The following SLC24A2 variants were observed in gnomAD, a reference collection of about 807,000 sequenced individuals.
SLC24A2 encodes the protein solute carrier family 24 member 2.
SLC24A2 carries 36 observed loss-of-function variants against 62.0 expected under a neutral mutation model. The ratio of observed to expected loss-of-function variants is 0.58; its 90% CI spans 0.44 to 0.77. The LOEUF is 0.77. SLC24A2 is among the 30% of genes least tolerant of loss of function. The pLI is 0.00. For missense variants in SLC24A2, 846 were observed against 817.9 expected (o/e 1.03, Z -0.42); for synonymous variants, 358 against 294.0 (o/e 1.22, Z -2.23).
At chr9:20,150,477 T>G in the SLC24A2 span, among the ~76,000 whole-genome samples, 1 of 151,938 alleles carries the variant, frequency 6.6e-6, no homozygotes, top group East Asian at 1.9e-4. Flanking sequence ...ATAAGACAGG[T>G]AGTCTCATAT....
intron 7 of SLC24A2, among the ~76,000 whole-genome samples, chr9:19,562,183 T>G (rs1003170584): frequency 1.3e-5 from 2 of 152,174 alleles, no homozygotes; most frequent in African/African-American, 4.8e-5. Context: ...TTTGTAAATC[T>G]TGCTGATAAA....
the SLC24A2 span, among the ~76,000 whole-genome samples, chr9:19,903,243 G>A: frequency 2.0e-5 from 3 of 152,080 alleles, no homozygotes; most frequent in African/African-American, 2.4e-5. Context: ...ATGCCAGCCT[G>A]GTTGGGTTGT....
At chr9:20,306,848 C>G in the SLC24A2 span, among the ~76,000 whole-genome samples, 1 of 152,062 alleles carries the variant, frequency 6.6e-6, no homozygotes, top group Non-Finnish European at 1.5e-5. Context: ...AGGTGTATGC[C>G]ACTTCACCTG....
rs138630242 is a variant in SLC24A2, at chr9:19,516,164, C to A, written c.1975G>T (p.Val659Phe). Residue 659 changes from valine (V) to phenylalanine (F), a missense_variant, in exon 11 of 11, where the codon GTC (valine) becomes TTC (phenylalanine). Val to Phe is a conservative substitution (Grantham distance 50). Coordinates refer to ENST00000341998, the MANE Select transcript of SLC24A2 (RefSeq NM_020344.4). ...TATGGCTTTTCCTGCTAGATGGAGA[C>A]GGGGCATGTAAGAATTCTGTCTTCT... The part of the protein sequence containing the change: ...LLEDRILTCP[V>F]SI 1 of 1,613,914 alleles carries A rather than the reference C, an allele frequency of 6.2e-7. No homozygotes were observed. The highest frequency in any genetic ancestry group is 1.3e-5 in the African/African-American group (1 of 74,872).
At chr9:20,254,966 C>G in the SLC24A2 span, among the ~76,000 whole-genome samples, 6 of 152,084 alleles carry the variant, frequency 3.9e-5, no homozygotes, top group Non-Finnish European at 8.8e-5. Flanking sequence ...ACCTATTCAC[C>G]ATCATGAGAA....
At chr9:20,208,973 G>A in the SLC24A2 span, among the ~76,000 whole-genome samples, 37 of 152,246 alleles carry the variant, frequency 2.4e-4, no homozygotes, top group Middle Eastern at 3.4e-3. Context: ...TTCAAACTAC[G>A]GCTCAACTGC....
the SLC24A2 span, among the ~76,000 whole-genome samples, chr9:19,907,867 C>G: frequency 6.6e-6 from 1 of 152,168 alleles, no homozygotes; most frequent in African/African-American, 2.4e-5. Context: ...ATTCCATGCT[C>G]ATGGGTAGGA....
chr9:19,580,483 C>T (rs940698674), intron 5 of SLC24A2, among the ~76,000 whole-genome samples: 2 of 152,174 alleles, frequency 1.3e-5, no homozygotes, highest in African/African-American at 4.8e-5. Flanking sequence ...ATGAGGCTAA[C>T]AGGATATATG....
At chr9:20,129,775 T>C in the SLC24A2 span, among the ~76,000 whole-genome samples, 1 of 151,850 alleles carries the variant, frequency 6.6e-6, no homozygotes, top group Non-Finnish European at 1.5e-5. Flanking sequence ...GGATTAGAGA[T>C]GGGGAGGAGA....
At chr9:19,766,219 G>A (rs889801867) in intron 2 of SLC24A2, among the ~76,000 whole-genome samples, 1 of 152,126 alleles carries the variant, frequency 6.6e-6, no homozygotes, top group Non-Finnish European at 1.5e-5. Context: ...AAGGTTCTTA[G>A]CTTCCTTGCA....
the SLC24A2 span, among the ~76,000 whole-genome samples, chr9:20,268,921 T>A: frequency 1.3e-5 from 2 of 152,310 alleles, no homozygotes; most frequent in Non-Finnish European, 2.9e-5. Context: ...GTTTTCCACA[T>A]TCAGGGATAT....
chr9:19,807,973 T>C, the SLC24A2 span, among the ~76,000 whole-genome samples: 3 of 152,238 alleles, frequency 2.0e-5, no homozygotes, highest in Non-Finnish European at 4.4e-5. Flanking sequence ...TTCCTTTCAG[T>C]TAATTCAGAG....
the SLC24A2 span, among the ~76,000 whole-genome samples, chr9:19,993,559 A>G: frequency 1.3e-5 from 2 of 152,206 alleles, no homozygotes; most frequent in African/African-American, 2.4e-5. Context: ...CAGTCATTCA[A>G]CACGGTTAAC....
chr9:19,744,424 G>GT (rs1190486152), intron 2 of SLC24A2, among the ~76,000 whole-genome samples: 9 of 152,120 alleles, frequency 5.9e-5, no homozygotes, highest in African/African-American at 2.2e-4. Flanking sequence ...CACACTGGGA[G>GT]TTTGTATGTT....
the SLC24A2 span, among the ~76,000 whole-genome samples, chr9:20,088,488 G>T: frequency 1.3e-5 from 2 of 152,190 alleles, no homozygotes; most frequent in Non-Finnish European, 2.9e-5. Flanking sequence ...TCACTGGGAA[G>T]AATTTCCCGG....
intron 2 of SLC24A2, among the ~76,000 whole-genome samples, chr9:19,757,417 T>C (rs942373550): frequency 2.0e-5 from 3 of 152,172 alleles, no homozygotes; most frequent in Non-Finnish European, 4.4e-5. Flanking sequence ...CAGTTTCTTT[T>C]GTTTCTTCTT....
chr9:20,101,878 TAAAGA>T, the SLC24A2 span, among the ~76,000 whole-genome samples: 1 of 152,196 alleles, frequency 6.6e-6, no homozygotes, highest in East Asian at 1.9e-4. Context: ...AAAGCCTGCC[TAAAGA>T]TTCACAAACA....
Position 19,517,586 on chromosome 9 carries a change from G to C in SLC24A2, c.1737-1184C>G, listed in dbSNP as rs113350389. Among the ~76,000 whole-genome samples the C allele has an allele frequency of 1.1e-3, 172 of 152,238 alleles. 3 individuals carry two copies. Among genetic ancestry groups the C allele is most frequent in the South Asian group, 4.2e-4 (2 of 4,808 alleles). On this transcript the variant is annotated intron_variant, in intron 10 of 10. Transcript: ENST00000341998. ...CCTAACTGGGTGCATATGTTAACCT[G>C]GGCCAAGCTGAAGTGATTGATGTGA...
chr9:20,000,884 G>C, the SLC24A2 span, among the ~76,000 whole-genome samples: 1 of 152,190 alleles, frequency 6.6e-6, no homozygotes, highest in Admixed American at 6.5e-5. Context: ...GTATGAGAGG[G>C]TGTGGAGGAC....
Sources: allele counts gnomAD v4.1 joint callset (sites outside exome capture counted in the v4.1 genomes callset), GRCh38; gene constraint gnomAD v4.1.1; transcripts MANE v1.5; gene names NCBI Gene and HGNC (gene_info 2026-07-23, HGNC 2026-07-21).